Variants in RSRC1 observed in about 807,000 individuals in gnomAD.
The protein encoded by RSRC1 is arginine and serine rich coiled-coil 1, also known as serine/Arginine-related protein 53.
RSRC1 carries 39 observed loss-of-function variants against 49.1 expected under a neutral mutation model. That is an observed-to-expected ratio of 0.79 (90% confidence interval 0.61 to 1.04). The LOEUF (loss-of-function observed/expected upper bound fraction) is 1.04. RSRC1 is among the 50% of genes least tolerant of loss of function. The pLI, the probability that RSRC1 is intolerant of heterozygous loss-of-function variation, is 0.00. For missense variants in RSRC1, 388 were observed against 402.4 expected (o/e 0.96, Z 0.31); for synonymous variants, 143 against 130.8 (o/e 1.09, Z -0.63).
chr3:158,440,630 C>A (rs919382010), intron 6 of RSRC1, among the ~76,000 whole-genome samples: 4 of 152,114 alleles, frequency 2.6e-5, no homozygotes, highest in Non-Finnish European at 5.9e-5. Context: ...ACACCAGATT[C>A]TATAGCATGT....
At chr3:158,489,200 G>T (rs966658989) in intron 7 of RSRC1, among the ~76,000 whole-genome samples, 2 of 152,096 alleles carry the variant, frequency 1.3e-5, no homozygotes, top group Admixed American at 6.5e-5. Context: ...CTTAATTTTT[G>T]AAAACAAATT....
intron 3 of RSRC1, among the ~76,000 whole-genome samples, chr3:158,174,522 C>G (rs1719081061): frequency 6.6e-6 from 1 of 151,926 alleles, no homozygotes; most frequent in Admixed American, 6.6e-5. Context: ...CCCTCACAAT[C>G]ATTATTATTT....
chr3:158,413,229 G>A (rs555467491), intron 6 of RSRC1, among the ~76,000 whole-genome samples: 6 of 152,162 alleles, frequency 3.9e-5, no homozygotes, highest in Admixed American at 3.9e-4. Flanking sequence ...ACAAAAACAA[G>A]CAATGGGGAA....
intron 6 of RSRC1, among the ~76,000 whole-genome samples, chr3:158,412,917 A>C (rs984448494): frequency 1.3e-5 from 2 of 152,216 alleles, no homozygotes. Flanking sequence ...CATACTGCCC[A>C]AGGTAATTTA....
At chr3:158,183,495 A>C (rs1719750248) in intron 3 of RSRC1, among the ~76,000 whole-genome samples, 1 of 152,192 alleles carries the variant, frequency 6.6e-6, no homozygotes, top group Non-Finnish European at 1.5e-5. Context: ...TTTGCTTAAA[A>C]AGTAAAATAT....
chr3:158,476,770 A>T (rs1738386539), intron 7 of RSRC1, among the ~76,000 whole-genome samples: 1 of 152,184 alleles, frequency 6.6e-6, no homozygotes, highest in African/African-American at 2.4e-5. Context: ...ACTAATTTCA[A>T]CTTTTCAAGT....
At chr3:158,246,904 TCTGAA>T (rs765286663) in intron 4 of RSRC1, among the ~76,000 whole-genome samples, 8 of 152,190 alleles carry the variant, frequency 5.3e-5, no homozygotes, top group Non-Finnish European at 1.5e-5. Context: ...CTCTGCATTT[TCTGAA>T]TTTGAATGTT....
chr3:158,256,325 G>T (rs1343470803), intron 4 of RSRC1, among the ~76,000 whole-genome samples: 1 of 152,138 alleles, frequency 6.6e-6, no homozygotes, highest in African/African-American at 2.4e-5. Flanking sequence ...TAATAATGTG[G>T]TTTTTGTCGT....
chr3:158,281,189 G>A (rs1726141672), intron 4 of RSRC1, among the ~76,000 whole-genome samples: 1 of 152,162 alleles, frequency 6.6e-6, no homozygotes, highest in Non-Finnish European at 1.5e-5. Flanking sequence ...AAAGAAGAAA[G>A]TGAAGTGGTT....
intron 3 of RSRC1, among the ~76,000 whole-genome samples, chr3:158,200,429 ATTGC>A (rs1303885071): frequency 6.6e-6 from 1 of 152,128 alleles, no homozygotes; most frequent in African/African-American, 2.4e-5. Context: ...GGCATACAGT[ATTGC>A]TTTTTATTAA....
At chr3:158,358,478 T>C (rs1161021443) in intron 6 of RSRC1, among the ~76,000 whole-genome samples, 1 of 152,172 alleles carries the variant, frequency 6.6e-6, no homozygotes, top group African/African-American at 2.4e-5. Context: ...GGAAAGATCC[T>C]AAGCCTGCCA....
chr3:158,470,059 A>G (rs148533694), intron 7 of RSRC1, among the ~76,000 whole-genome samples: 2 of 152,170 alleles, frequency 1.3e-5, no homozygotes, highest in Non-Finnish European at 2.9e-5. Flanking sequence ...TGGCTGTAAC[A>G]TATTCAGAGA....
intron 5 of RSRC1, among the ~76,000 whole-genome samples, chr3:158,335,203 G>C (rs1438215238): frequency 6.6e-6 from 1 of 152,178 alleles, no homozygotes; most frequent in Non-Finnish European, 1.5e-5. Flanking sequence ...TGAATATTCT[G>C]TAGATTGTGA....
At chr3:158,514,950 T>C (rs912844752) in intron 7 of RSRC1, among the ~76,000 whole-genome samples, 1 of 152,056 alleles carries the variant, frequency 6.6e-6, no homozygotes, top group African/African-American at 2.4e-5. Flanking sequence ...CCCTACCTTT[T>C]TTTGTTTTCC....
At chr3:158,391,615 G>T (rs1733299460) in intron 6 of RSRC1, among the ~76,000 whole-genome samples, 1 of 152,046 alleles carries the variant, frequency 6.6e-6, no homozygotes, top group South Asian at 2.1e-4. Flanking sequence ...CTGATTCTTG[G>T]ATCTCAGGGA....
At chr3:158,533,970 GA>G (rs1311077088) in intron 7 of RSRC1, among the ~76,000 whole-genome samples, 28 of 151,618 alleles carry the variant, frequency 1.8e-4, no homozygotes, top group Non-Finnish European at 1.3e-4. Context: ...AAATCTAGAG[GA>G]GCTTTCATTG....
chr3:158,411,106 A>G (rs1206733098), intron 6 of RSRC1, among the ~76,000 whole-genome samples: 1 of 152,150 alleles, frequency 6.6e-6, no homozygotes, highest in African/African-American at 2.4e-5. Context: ...AGATTCATCT[A>G]TGTGCATGTA....
chr3:158,469,459 T>C (rs1428074665), intron 7 of RSRC1: 1 of 414,492 alleles, frequency 2.4e-6, no homozygotes, highest in Admixed American at 3.0e-5. Context: ...GTTAATACCA[T>C]GCAAAGTCTT....
At chr3:158,344,014 C>T (rs1560002692) in intron 5 of RSRC1, among the ~76,000 whole-genome samples, 3 of 152,254 alleles carry the variant, frequency 2.0e-5, no homozygotes, top group Non-Finnish European at 2.9e-5. Flanking sequence ...CGATGGCTTA[C>T]GTCTGTAATC....
Sources: gnomAD v4.1 joint callset for allele counts (sites outside exome capture counted in the v4.1 genomes callset) on GRCh38, gnomAD v4.1.1 for gene constraint, MANE v1.5 for transcripts, NCBI Gene and HGNC (gene_info 2026-07-23, HGNC 2026-07-21) for gene names.